STRBP: variants seen among roughly 807,000 people sequenced by gnomAD.
STRBP encodes the protein spermatid perinuclear RNA-binding protein.
A neutral mutation model predicts 80.1 loss-of-function variants in STRBP; 13 were observed. That is an observed-to-expected ratio of 0.16 (90% confidence interval 0.11 to 0.26). STRBP has a LOEUF of 0.26. Ranked by LOEUF, STRBP falls within the 10% of genes least tolerant of loss-of-function variation. STRBP has a pLI of 1.00. For synonymous variants in STRBP, 284 were observed against 291.2 expected, an observed-to-expected ratio of 0.98 and a Z score of 0.25; for missense variants, 485 against 815.2, an observed-to-expected ratio of 0.59 and a Z score of 4.93.
intron 2 of STRBP, among the ~76,000 whole-genome samples, chr9:123,196,363 T>A (rs1020910446): frequency 6.6e-6 from 1 of 151,744 alleles, no homozygotes; most frequent in African/African-American, 2.4e-5. Flanking sequence ...AAGGCAAAAA[T>A]GGACAAATGG....
At chr9:123,138,507 A>G (rs149978246) in intron 14 of STRBP, among the ~76,000 whole-genome samples, 393 of 152,326 alleles carry the variant, frequency 2.6e-3, no homozygotes, top group African/African-American at 8.4e-3. Context: ...CTCGTCCTTC[A>G]GTCCAGAATG....
At chr9:123,183,195 TG>T in intron 3 of STRBP, among the ~76,000 whole-genome samples, 1 of 152,024 alleles carries the variant, frequency 6.6e-6, no homozygotes, top group East Asian at 1.9e-4. Context: ...CCCAGCACTT[TG>T]GGAGGCTGAG....
chr9:123,166,672 T>C (rs1281636880), intron 6 of STRBP, among the ~76,000 whole-genome samples: 2 of 152,114 alleles, frequency 1.3e-5, no homozygotes, highest in East Asian at 3.9e-4. Context: ...GAGAATTGCT[T>C]GAACCCAGGA....
chr9:123,177,421 A>T (rs2038269503), intron 4 of STRBP, among the ~76,000 whole-genome samples: 1 of 151,904 alleles, frequency 6.6e-6, no homozygotes, highest in Non-Finnish European at 1.5e-5. Flanking sequence ...CTTTTTTTTT[A>T]AATTAGCCAG....
intron 2 of STRBP, among the ~76,000 whole-genome samples, chr9:123,187,730 A>T (rs1352627064): frequency 1.3e-5 from 2 of 151,754 alleles, no homozygotes; most frequent in Non-Finnish European, 2.9e-5. Context: ...AGTGGAAAGA[A>T]CTCCCATATA....
rs1023796239 is a variant in STRBP, at chr9:123,124,839, C to A, written c.*758G>T. The A allele has an allele frequency of 1.0e-6, 1 of 985,276 alleles. No individual in the cohort carries two copies. Among genetic ancestry groups the A allele is most frequent in the African/African-American group, 1.7e-5 (1 of 57,212 alleles). 61.0% of individuals were successfully genotyped at this position (985,276 alleles called of 1,614,324 possible). On this transcript the variant is annotated 3_prime_UTR_variant, in exon 19 of 19. Transcript: ENST00000348403. ...CAATGCTCAAATAACAGAATGGAAC[C>A]TTTATCATGGGGATGGCCCTTGTAC... is the stretch of plus-strand genomic sequence containing the variant.
intron 2 of STRBP, among the ~76,000 whole-genome samples, chr9:123,194,866 C>G (rs941284488): frequency 6.6e-6 from 1 of 152,152 alleles, no homozygotes; most frequent in Non-Finnish European, 1.5e-5. Context: ...TCCCTTGTAT[C>G]CTTTTCTTCT....
At chr9:123,121,077 AC>A (rs2035725316), downstream of STRBP, among the ~76,000 whole-genome samples, 1 of 152,154 alleles carries the variant, frequency 6.6e-6, no homozygotes, top group East Asian at 1.9e-4. Flanking sequence ...AGGACCTGGT[AC>A]CTAATAGGCA....
intron 13 of STRBP, 113 bp downstream of exon 13, chr9:123,146,742 T>C (rs1435362640): frequency 2.2e-6 from 2 of 924,104 alleles, no homozygotes; most frequent in African/African-American, 3.3e-5. Context: ...AGTCTATATA[T>C]AATATTATTG....
chr9:123,168,233 T>C, intron 6 of STRBP: 2 of 983,794 alleles, frequency 2.0e-6, no homozygotes, highest in Non-Finnish European at 2.4e-6. Context: ...ATTTTATAGT[T>C]CTACAGTTAA....
chr9:123,260,184 T>C (rs1467878472), intron 1 of STRBP, among the ~76,000 whole-genome samples: 2 of 152,202 alleles, frequency 1.3e-5, no homozygotes, highest in African/African-American at 4.8e-5. Flanking sequence ...AGGGGAATAA[T>C]GATGTTGCAG....
intron 1 of STRBP, among the ~76,000 whole-genome samples, chr9:123,258,628 C>G (rs4387049): frequency 0.032 from 4,906 of 151,888 alleles, 264 homozygotes; most frequent in African/African-American, 0.11. Flanking sequence ...ACAGTGAAAC[C>G]CTGTCTCTAT....
intron 4 of STRBP, among the ~76,000 whole-genome samples, chr9:123,176,045 G>A (rs1037753055): frequency 2.0e-5 from 3 of 152,162 alleles, no homozygotes; most frequent in Non-Finnish European, 4.4e-5. Flanking sequence ...TTCCTCATTT[G>A]TAAAACAGGA....
At chr9:123,265,029 T>C (rs1037683412) in intron 1 of STRBP, among the ~76,000 whole-genome samples, 9 of 152,172 alleles carry the variant, frequency 5.9e-5, no homozygotes, top group Admixed American at 2.0e-4. Context: ...TTATATTGTA[T>C]ACATATATCA....
At chr9:123,166,256 C>A (rs2037752797) in intron 6 of STRBP, among the ~76,000 whole-genome samples, 1 of 152,142 alleles carries the variant, frequency 6.6e-6, no homozygotes, top group South Asian at 2.1e-4. Context: ...CTACCATGTG[C>A]ACATTATTTT....
chr9:123,197,664 T>A (rs1449833091), intron 2 of STRBP, among the ~76,000 whole-genome samples: 2 of 122,184 alleles, frequency 1.6e-5, no homozygotes, highest in Non-Finnish European at 3.4e-5. Context: ...GTGAAACATA[T>A]TTCTTTTTTT....
chr9:123,266,600 T>C (rs1280958673), intron 1 of STRBP, among the ~76,000 whole-genome samples: 3 of 152,108 alleles, frequency 2.0e-5, no homozygotes, highest in East Asian at 1.9e-4. Flanking sequence ...TCTCTCCCCA[T>C]ACTTCCACTC....
intron 2 of STRBP, among the ~76,000 whole-genome samples, chr9:123,197,315 T>A (rs1480734226): frequency 4.6e-5 from 7 of 152,174 alleles, no homozygotes; most frequent in African/African-American, 1.7e-4. Flanking sequence ...CAATCTAGTA[T>A]TTGATAACAC....
chr9:123,188,805 T>C (rs1039554125), intron 2 of STRBP, among the ~76,000 whole-genome samples: 1 of 152,194 alleles, frequency 6.6e-6, no homozygotes, highest in African/African-American at 2.4e-5. Flanking sequence ...CAGTTTGTTA[T>C]GGAATCCAGT....
Sources: gnomAD v4.1 joint callset for allele counts (sites outside exome capture counted in the v4.1 genomes callset) on GRCh38, gnomAD v4.1.1 for gene constraint, MANE v1.5 for transcripts, NCBI Gene and HGNC (gene_info 2026-07-23, HGNC 2026-07-21) for gene names.